The following ANGPT2 variants were observed in gnomAD, a reference collection of about 807,000 sequenced individuals.
The protein encoded by ANGPT2 is angiopoietin-2.
Under a neutral mutation model 62.9 loss-of-function variants are expected in ANGPT2, and 28 were observed. The ratio of observed to expected loss-of-function variants is 0.44; its 90% CI spans 0.33 to 0.61. The LOEUF (loss-of-function observed/expected upper bound fraction) is 0.61. ANGPT2 is among the 20% of genes least tolerant of loss of function. The pLI is 0.03. For synonymous variants in ANGPT2, 284 were observed against 207.8 expected, an observed-to-expected ratio of 1.37 and a Z score of -3.15; for missense variants, 727 against 594.9, an observed-to-expected ratio of 1.22 and a Z score of -2.31.
chr8:6,533,230 T>C (rs2442602), intron 1 of ANGPT2, among the ~76,000 whole-genome samples: 103,111 of 152,128 alleles, frequency 0.68, 35,195 homozygotes, highest in Non-Finnish European at 0.72. Flanking sequence ...ATGATCATGC[T>C]GACTAATTTT....
chr8:6,505,812 T>C (rs1813549986), intron 8 of ANGPT2, among the ~76,000 whole-genome samples: 1 of 136,844 alleles, frequency 7.3e-6, no homozygotes, highest in African/African-American at 2.6e-5. Context: ...GCATATTCTT[T>C]ATATATGTAT....
intron 5 of ANGPT2, among the ~76,000 whole-genome samples, chr8:6,519,139 C>T (rs115992080): frequency 5.6e-4 from 85 of 152,228 alleles, no homozygotes; most frequent in Middle Eastern, 3.4e-3. Flanking sequence ...TGGTGTGTTT[C>T]GAGTCTTCCA....
intron 1 of ANGPT2, among the ~76,000 whole-genome samples, chr8:6,552,863 A>C (rs79992356): frequency 0.02 from 2,983 of 152,102 alleles, 105 homozygotes; most frequent in African/African-American, 0.069. Context: ...CAGTCCGAAA[A>C]GGCTGTATAT....
chr8:6,532,637 A>ATT (rs796761227), intron 1 of ANGPT2, 150 bp from the exon 2 acceptor site: 3 of 617,062 alleles, frequency 4.9e-6, no homozygotes, highest in Admixed American at 8.1e-5. Context: ...GAATCTTACT[A>ATT]TTTTTTTTTA....
At chr8:6,528,036 C>A (rs796893061) in intron 2 of ANGPT2, among the ~76,000 whole-genome samples, 72 of 151,614 alleles carry the variant, frequency 4.7e-4, no homozygotes, top group African/African-American at 1.6e-3. Context: ...GCTGGGATTA[C>A]AGGTGCGTAC....
chr8:6,553,489 A>T (rs1824037325), intron 1 of ANGPT2, among the ~76,000 whole-genome samples: 1 of 152,020 alleles, frequency 6.6e-6, no homozygotes. Flanking sequence ...ACACGTCAAC[A>T]TTTTTTTAAA....
rs189785852 is a variant in ANGPT2, at chr8:6,514,109, C to T, written c.1030-265G>A. Among the ~76,000 whole-genome samples, 53 of 152,304 alleles carry T rather than the reference C, an allele frequency of 3.5e-4. 2 individuals carry two copies. Among genetic ancestry groups the T allele is most frequent in the African/African-American group, 1.3e-3 (52 of 41,556 alleles). Reference sequence around the variant, plus strand: ...CCAGCAGAAGCCTTGGCATAAACAGCTCAGTTCATGGGAATGTGAAGCACC... The same window carrying T: ...CCAGCAGAAGCCTTGGCATAAACAGTTCAGTTCATGGGAATGTGAAGCACC... On this transcript the variant is annotated intron_variant, in intron 6 of 8. Coordinates refer to ENST00000629816, the MANE Select transcript of ANGPT2 (RefSeq NM_001118887.2).
chr8:6,529,056 A>G (rs963534290), intron 2 of ANGPT2, among the ~76,000 whole-genome samples: 20 of 152,234 alleles, frequency 1.3e-4, no homozygotes, highest in Admixed American at 6.5e-4. Flanking sequence ...CATAAGGGTT[A>G]TAACATGAGT....
At chr8:6,531,340 G>T (rs1819476155) in intron 2 of ANGPT2, among the ~76,000 whole-genome samples, 1 of 150,040 alleles carries the variant, frequency 6.7e-6, no homozygotes, top group Non-Finnish European at 1.5e-5. Context: ...CCAGGCTGGA[G>T]TGCAGTGGCA....
chr8:6,521,131 T>A, intron 4 of ANGPT2, 47 bp downstream of exon 4: 1 of 1,500,532 alleles, frequency 6.7e-7, no homozygotes, highest in South Asian at 1.2e-5. Context: ...AGTGTTTTAC[T>A]GACTAAAGGT....
At chr8:6,529,530 C>G (rs1351925614) in intron 2 of ANGPT2, among the ~76,000 whole-genome samples, 1 of 150,950 alleles carries the variant, frequency 6.6e-6, no homozygotes, top group African/African-American at 2.4e-5. Flanking sequence ...CTGTTCACTA[C>G]AGACTCTGCC....
In ANGPT2 at chr8:6,500,034, A is replaced by G; in HGVS notation, c.*3067T>C. The stretch of plus-strand genomic sequence containing the variant: ...AGTTTTTATCCAGTCAAGCACAATT[A>G]TGCCCATAATTAAAAAGACATTCAC... On this transcript the variant is annotated 3_prime_UTR_variant, in exon 9 of 9. Transcript: ENST00000629816. The G allele has an allele frequency of 1.1e-6, 1 of 908,438 alleles. No homozygotes were observed. The highest frequency in any genetic ancestry group is 1.8e-6 in the Non-Finnish European group (1 of 548,632). The allele number at this position is 908,438 out of a possible 1,614,324, so 56.3% of individuals were successfully genotyped here.
intron 2 of ANGPT2, among the ~76,000 whole-genome samples, chr8:6,532,049 T>C (rs576683591): frequency 6.6e-6 from 1 of 152,074 alleles, no homozygotes; most frequent in South Asian, 2.1e-4. Flanking sequence ...ACAGAGGGGG[T>C]ATTCATCTTG....
At chr8:6,536,097 T>A (rs548644242) in intron 1 of ANGPT2, among the ~76,000 whole-genome samples, 2 of 152,058 alleles carry the variant, frequency 1.3e-5, no homozygotes, top group Non-Finnish European at 2.9e-5. Flanking sequence ...AAAATACTTA[T>A]GTTCTTACTC....
rs1812037916 is a variant in ANGPT2 at position 6,500,859 on chromosome 8, C to G, written c.*2242G>C. 1 of 152,102 alleles carries G rather than the reference C, an allele frequency of 6.6e-6. No individual in the cohort carries two copies. The highest frequency in any genetic ancestry group is 6.6e-5 in the Admixed American group (1 of 15,264). 9.4% of individuals were successfully genotyped at this position (152,102 alleles called of 1,614,324 possible). ...GCACAATGACATAATGAGATTTGTC[C>G]TTGAATTTTTTATCACCTGCCTACA... On this transcript the variant is annotated 3_prime_UTR_variant, in exon 9 of 9. Coordinates refer to ENST00000629816, the MANE Select transcript of ANGPT2 (RefSeq NM_001118887.2).
intron 8 of ANGPT2, among the ~76,000 whole-genome samples, chr8:6,505,209 A>C: frequency 1.8e-5 from 1 of 55,528 alleles, no homozygotes; most frequent in East Asian, 1.3e-3. Flanking sequence ...TATATATAGA[A>C]TATATATATA....
chr8:6,553,262 C>G (rs1823981103), intron 1 of ANGPT2, among the ~76,000 whole-genome samples: 1 of 152,020 alleles, frequency 6.6e-6, no homozygotes, highest in African/African-American at 2.4e-5. Flanking sequence ...TAAAACTGCT[C>G]TAAAAAACAT....
At position 6,522,773 on chromosome 8, in the gene ANGPT2, C is replaced by CAAA. The variant is rs199503821; in HGVS notation, c.567-1366_567-1364dup. 6.4e-4 allele frequency among the ~76,000 whole-genome samples: 83 copies of CAAA among 130,398 alleles called. 2 individuals are homozygous for CAAA. Among genetic ancestry groups the CAAA allele is most frequent in the Middle Eastern group, 3.9e-3 (1 of 256 alleles). The allele number at this position is 130,398 out of a possible 152,430, so 85.5% of individuals were successfully genotyped here. On this transcript the variant is annotated intron_variant, in intron 3 of 8. Transcript: ENST00000629816. The stretch of plus-strand genomic sequence containing the variant: ...TGGGCAACAGAGCGAGACATCGTCT[C>CAAA]AAAAAAAAAAAAGAAAAGAAAAGAA...
At chr8:6,528,016 C>G (rs1043804474) in intron 2 of ANGPT2, among the ~76,000 whole-genome samples, 6 of 151,822 alleles carry the variant, frequency 4.0e-5, no homozygotes, top group Non-Finnish European at 8.8e-5. Context: ...CTGCCTCATT[C>G]TCCCCAGTAG....
Sources: allele counts gnomAD v4.1 joint callset (sites outside exome capture counted in the v4.1 genomes callset), GRCh38; gene constraint gnomAD v4.1.1; transcripts MANE v1.5; gene names NCBI Gene and HGNC (gene_info 2026-07-23, HGNC 2026-07-21).